Variants in LMBR1 observed in about 807,000 individuals in gnomAD.
LMBR1 encodes limb region 1 protein homolog.
LMBR1 carries 52 observed loss-of-function variants against 73.9 expected under a neutral mutation model. The observed-to-expected ratio is 0.70, with a 90% CI of 0.56 to 0.89. LMBR1 has a LOEUF of 0.89. LMBR1 is among the 40% of genes least tolerant of loss of function. The pLI is 0.00. For synonymous variants in LMBR1, 215 were observed against 209.4 expected (o/e 1.03, Z -0.23); for missense variants, 539 against 579.8 (o/e 0.93, Z 0.72).
chr7:156,823,727 C>T (rs1835166063), intron 4 of LMBR1: 1 of 152,044 alleles, frequency 6.6e-6, no homozygotes, highest in Non-Finnish European at 1.5e-5. Context: ...TTTTGAAGAA[C>T]ATAAAAGGTA....
At chr7:156,827,382 C>T (rs1360655571) in intron 3 of LMBR1, among the ~76,000 whole-genome samples, 1 of 151,888 alleles carries the variant, frequency 6.6e-6, no homozygotes, top group African/African-American at 2.4e-5. Context: ...AATAAGTCAA[C>T]AAAATAATGA....
rs1830071714 is a variant in LMBR1, at chr7:156,796,502, G to C, written c.320-10C>G. 6.4e-7 allele frequency: 1 copy of C among 1,561,104 alleles called. No individual in the cohort carries two copies. Among genetic ancestry groups the C allele is most frequent in the Non-Finnish European group, 8.7e-7 (1 of 1,147,674 alleles). ...GCAAGATTCCACAAACCTATAAAAAGGGTAACAAGAAAAGAAGAAAAACAG... is the reference window on the plus strand; with the variant it reads ...GCAAGATTCCACAAACCTATAAAAACGGTAACAAGAAAAGAAGAAAAACAG... On this transcript the variant is annotated splice_polypyrimidine_tract_variant and intron_variant, in intron 4 of 16. Coordinates refer to ENST00000353442, the MANE Select transcript of LMBR1 (RefSeq NM_022458.4).
At chr7:156,705,877 T>A (rs1236840363) in intron 15 of LMBR1, among the ~76,000 whole-genome samples, 1 of 151,382 alleles carries the variant, frequency 6.6e-6, no homozygotes, top group African/African-American at 2.4e-5. Flanking sequence ...AACAAAGAAC[T>A]TACAAAACTA....
At chr7:156,887,294 C>T (rs563300665) in intron 1 of LMBR1, among the ~76,000 whole-genome samples, 1 of 152,120 alleles carries the variant, frequency 6.6e-6, no homozygotes, top group South Asian at 2.1e-4. Context: ...GAAACCCCGT[C>T]TCTACTAAAA....
intron 1 of LMBR1, among the ~76,000 whole-genome samples, chr7:156,876,091 G>C (rs1800126407): frequency 6.6e-6 from 1 of 151,894 alleles, no homozygotes; most frequent in South Asian, 2.1e-4. Context: ...TAACACATAA[G>C]GACTCACATA....
rs116256391 is a variant in LMBR1, at chr7:156,862,236, A to G, written c.67-25351T>C. On this transcript the variant is annotated intron_variant, in intron 1 of 16. Coordinates refer to ENST00000353442, the MANE Select transcript of LMBR1 (RefSeq NM_022458.4). ...CATCTTACATGGATGGCAGCAGGCA[A>G]AGAGAGAAGTTTGTGCAGGGGAACT... Among the ~76,000 whole-genome samples the G allele has an allele frequency of 2.6e-3, 397 of 152,336 alleles. 2 individuals carry two copies. The highest frequency in any genetic ancestry group is 9.3e-3 in the African/African-American group (386 of 41,584).
At chr7:156,788,688 C>T (rs1484773880) in intron 5 of LMBR1, among the ~76,000 whole-genome samples, 2 of 151,698 alleles carry the variant, frequency 1.3e-5, no homozygotes, top group South Asian at 2.1e-4. Context: ...AGAAATAGTA[C>T]GAGGTATATT....
chr7:156,706,436 C>T (rs1428310411), intron 15 of LMBR1, among the ~76,000 whole-genome samples: 1 of 152,162 alleles, frequency 6.6e-6, no homozygotes, highest in Non-Finnish European at 1.5e-5. Flanking sequence ...TGCTCAACTG[C>T]AGAATTTATG....
chr7:156,875,973 T>G (rs1800110105), intron 1 of LMBR1, among the ~76,000 whole-genome samples: 1 of 151,060 alleles, frequency 6.6e-6, no homozygotes, highest in South Asian at 2.1e-4. Flanking sequence ...ACCTCAAATC[T>G]CAATATTAAC....
chr7:156,810,078 AAGAG>A (rs991673778), intron 4 of LMBR1, among the ~76,000 whole-genome samples: 1 of 152,036 alleles, frequency 6.6e-6, no homozygotes, highest in Non-Finnish European at 1.5e-5. Flanking sequence ...TTAAAAAAAA[AAGAG>A]AGAGATTTAT....
chr7:156,687,318 A>AT lies in LMBR1; in HGVS notation c.1387+711dup, dbSNP rs1426046196. ...GTCACTGCCTTTCCCTTCTTCTGTC[A>AT]TAAAATTACAACCCCCTCCCACCCC... On this transcript the variant is annotated intron_variant, in intron 16 of 16. Coordinates refer to ENST00000353442, the MANE Select transcript of LMBR1 (RefSeq NM_022458.4). 9.2e-5 allele frequency among the ~76,000 whole-genome samples: 14 copies of AT among 152,206 alleles called. No individual in the cohort carries two copies. The South Asian group carries it at 1.0e-3, about 11-fold the overall frequency.
chr7:156,856,918 A>G (rs1797054941), intron 1 of LMBR1, among the ~76,000 whole-genome samples: 1 of 152,190 alleles, frequency 6.6e-6, no homozygotes, highest in African/African-American at 2.4e-5. Context: ...TACCTGCACT[A>G]CTCATGAAGC....
chr7:156,677,345 A>G (rs1211649566), downstream of LMBR1, among the ~76,000 whole-genome samples: 2 of 152,152 alleles, frequency 1.3e-5, no homozygotes, highest in Non-Finnish European at 2.9e-5. Flanking sequence ...CTGAAGACAC[A>G]TGATTTCTGA....
At chr7:156,825,789 G>A (rs1467377024) in intron 4 of LMBR1, among the ~76,000 whole-genome samples, 2 of 152,110 alleles carry the variant, frequency 1.3e-5, no homozygotes, top group East Asian at 3.9e-4. Context: ...GCAAAAACAA[G>A]CTGGGTTTTA....
chr7:156,813,428 T>A (rs2133640175), intron 4 of LMBR1, among the ~76,000 whole-genome samples: 1 of 152,350 alleles, frequency 6.6e-6, no homozygotes, highest in East Asian at 1.9e-4. Context: ...TCCTTGCCCC[T>A]TGTTTAATTC....
chr7:156,854,287 T>C (rs569239675), intron 1 of LMBR1, among the ~76,000 whole-genome samples: 54 of 152,310 alleles, frequency 3.5e-4, no homozygotes, highest in Non-Finnish European at 5.4e-4. Context: ...TCAACTGTAA[T>C]TGATGAATTA....
chr7:156,836,808 C>T lies in LMBR1; in HGVS notation c.139+5G>A. 6.4e-7 allele frequency: 1 copy of T among 1,558,470 alleles called. No individual in the cohort carries two copies. Among genetic ancestry groups the T allele is most frequent in the Admixed American group, 1.8e-5 (1 of 55,262 alleles). On this transcript the variant is annotated splice_donor_5th_base_variant and intron_variant, in intron 2 of 16. Coordinates refer to ENST00000353442, the MANE Select transcript of LMBR1 (RefSeq NM_022458.4). ...AAAGGTTTTAATTGACATGTTTCCA[C>T]TTGCCTGATTTTCTCTTGTATCTTG...
At chr7:156,673,908 A>T (rs1196999997), downstream of LMBR1, among the ~76,000 whole-genome samples, 2 of 69,722 alleles carry the variant, frequency 2.9e-5, no homozygotes, top group African/African-American at 1.3e-4. Context: ...CACATTAATA[A>T]AAAAAAAAAA....
chr7:156,863,395 T>G (rs796695713), intron 1 of LMBR1, among the ~76,000 whole-genome samples: 2 of 152,056 alleles, frequency 1.3e-5, no homozygotes, highest in Admixed American at 1.3e-4. Flanking sequence ...GCTGATTAGA[T>G]GGTGCCCACC....
Sources: allele counts gnomAD v4.1 joint callset (sites outside exome capture counted in the v4.1 genomes callset), GRCh38; gene constraint gnomAD v4.1.1; transcripts MANE v1.5; gene names NCBI Gene and HGNC (gene_info 2026-07-23, HGNC 2026-07-21).